Variants in MYO18B observed in about 807,000 individuals in gnomAD.
MYO18B encodes unconventional myosin-XVIIIb.
MYO18B carries 204 observed loss-of-function variants against 273.0 expected under a neutral mutation model. That is an observed-to-expected ratio of 0.75 (90% CI 0.67 to 0.84). The LOEUF (loss-of-function observed/expected upper bound fraction) is 0.84, where lower values mean the gene tolerates loss of function less well. Ranked by LOEUF, MYO18B falls within the 40% of genes least tolerant of loss-of-function variation. MYO18B has a pLI of 0.00. For missense variants in MYO18B, 3,212 were observed against 3,287.6 expected (o/e 0.98, Z 0.56); for synonymous variants, 1,330 against 1,305.7 (o/e 1.02, Z -0.40).
At position 25,944,233 on chromosome 22, in the gene MYO18B, A is replaced by G. The variant is rs1242000526; in HGVS notation, c.5518-1904A>G. ...CTGTCCATTATGCTCTAACAAGGCC[A>G]ATTACCTTCCTTTGCTCTACATCAA... On this transcript the variant is annotated intron_variant, in intron 34 of 43. Coordinates refer to ENST00000335473, the MANE Select transcript of MYO18B (RefSeq NM_032608.7). 5.9e-5 allele frequency among the ~76,000 whole-genome samples: 9 copies of G among 152,144 alleles called. No homozygotes were observed. In the East Asian group the frequency reaches 1.7e-3, roughly 29 times the overall value.
At chr22:25,963,178 T>TCACA (rs1555968886) in intron 39 of MYO18B, among the ~76,000 whole-genome samples, 42 of 144,178 alleles carry the variant, frequency 2.9e-4, no homozygotes, top group South Asian at 6.9e-4. Context: ...TCTCTCTCTC[T>TCACA]CACACACACA....
At chr22:25,793,379 G>C (rs738638) in intron 11 of MYO18B, among the ~76,000 whole-genome samples, 112,482 of 152,090 alleles carry the variant, frequency 0.74, 41,711 homozygotes, top group East Asian at 0.86. Context: ...GGGCTACAAG[G>C]ACATATCACC....
At chr22:25,792,887 T>G (rs1181779607) in intron 11 of MYO18B, among the ~76,000 whole-genome samples, 2 of 152,190 alleles carry the variant, frequency 1.3e-5, no homozygotes, top group Non-Finnish European at 2.9e-5. Flanking sequence ...TTCCATTCAG[T>G]TCCTTTACCC....
At chr22:25,854,442 A>G (rs2090510913) in intron 21 of MYO18B, among the ~76,000 whole-genome samples, 2 of 152,202 alleles carry the variant, frequency 1.3e-5, no homozygotes. Context: ...AGGTAGTAGT[A>G]GAGCTGGGAT....
At chr22:26,060,047 T>TGG in the MYO18B span, among the ~76,000 whole-genome samples, 1 of 152,236 alleles carries the variant, frequency 6.6e-6, no homozygotes, top group African/African-American at 2.4e-5. Context: ...AGCCTTGTGA[T>TGG]CAGTGCAGTA....
At chr22:25,824,551 G>C (rs971539339) in intron 13 of MYO18B, among the ~76,000 whole-genome samples, 7 of 152,160 alleles carry the variant, frequency 4.6e-5, no homozygotes, top group Non-Finnish European at 1.0e-4. Flanking sequence ...AAGAGCAGCT[G>C]TCCTTGAGAC....
intron 5 of MYO18B, 64 bp downstream of exon 5, chr22:25,770,240 A>G: frequency 6.6e-7 from 1 of 1,515,198 alleles, no homozygotes; most frequent in Non-Finnish European, 9.2e-7. Context: ...TACTGCTGCC[A>G]GCCATATGTT....
intron 39 of MYO18B, among the ~76,000 whole-genome samples, chr22:25,975,823 C>A (rs1007224678): frequency 5.1e-4 from 78 of 152,140 alleles, no homozygotes; most frequent in African/African-American, 1.8e-3. Flanking sequence ...GGCCCAGAGA[C>A]CCCACTTGGA....
At chr22:25,751,605 C>T (rs1220856567) in intron 1 of MYO18B, among the ~76,000 whole-genome samples, 1 of 152,200 alleles carries the variant, frequency 6.6e-6, no homozygotes, top group African/African-American at 2.4e-5. Flanking sequence ...GGCTTTCTTG[C>T]TGGGGGACCT....
chr22:25,959,959 G>A (rs139112661), intron 39 of MYO18B, among the ~76,000 whole-genome samples: 412 of 152,310 alleles, frequency 2.7e-3, no homozygotes, highest in Middle Eastern at 0.014. Context: ...TGGGAAGGAT[G>A]TTGATGGATC....
At chr22:25,822,650 C>T (rs1798276842) in intron 12 of MYO18B, among the ~76,000 whole-genome samples, 1 of 152,200 alleles carries the variant, frequency 6.6e-6, no homozygotes, top group Non-Finnish European at 1.5e-5. Flanking sequence ...AGACAAAACT[C>T]CTCAGACACC....
intron 12 of MYO18B, among the ~76,000 whole-genome samples, chr22:25,805,246 C>T (rs1168890162): frequency 2.0e-5 from 3 of 152,308 alleles, no homozygotes. Flanking sequence ...GAAACTGAAG[C>T]TCCTCCAGGA....
intron 40 of MYO18B, among the ~76,000 whole-genome samples, chr22:25,996,263 G>A (rs879585649): frequency 2.0e-5 from 3 of 149,186 alleles, no homozygotes; most frequent in Non-Finnish European, 4.4e-5. Flanking sequence ...CATAGTAGGG[G>A]CTCAACGAGA....
At chr22:25,789,080 TTCTTCCTCCTCCTTCTTCTTCC>T (rs780450061) in intron 11 of MYO18B, among the ~76,000 whole-genome samples, 2 of 11,536 alleles carry the variant, frequency 1.7e-4, no homozygotes, top group Non-Finnish European at 2.0e-3. Context: ...CTCCTCCTTC[TTCTTCCTCCTCCTTCTTCTTCC>T]TCCTCCTCCT....
At chr22:25,984,050 C>T (rs2093175782) in intron 39 of MYO18B, among the ~76,000 whole-genome samples, 1 of 152,220 alleles carries the variant, frequency 6.6e-6, no homozygotes, top group African/African-American at 2.4e-5. Flanking sequence ...TTTCCCGTGT[C>T]TTTACTTAGA....
chr22:25,991,976 G>T (rs565901870), intron 39 of MYO18B, among the ~76,000 whole-genome samples: 7 of 152,290 alleles, frequency 4.6e-5, no homozygotes, highest in Non-Finnish European at 8.8e-5. Context: ...TTGAGGCTCA[G>T]CTTCCTAAAC....
At chr22:25,814,999 C>T (rs1048881451) in intron 12 of MYO18B, among the ~76,000 whole-genome samples, 48 of 152,226 alleles carry the variant, frequency 3.2e-4, no homozygotes, top group Non-Finnish European at 6.6e-4. Flanking sequence ...TTCTTTACAT[C>T]ACTGAATTGC....
chr22:25,816,299 A>G (rs2089001181), intron 12 of MYO18B, among the ~76,000 whole-genome samples: 1 of 152,140 alleles, frequency 6.6e-6, no homozygotes, highest in Non-Finnish European at 1.5e-5. Flanking sequence ...ACATTTACTG[A>G]GCAGGTTGCC....
chr22:25,851,209 G>A (rs1342922400), intron 20 of MYO18B, among the ~76,000 whole-genome samples: 1 of 152,208 alleles, frequency 6.6e-6, no homozygotes, highest in Non-Finnish European at 1.5e-5. Flanking sequence ...AGGCGGATGA[G>A]TGTGCAGCTT....
Sources: allele counts gnomAD v4.1 joint callset (sites outside exome capture counted in the v4.1 genomes callset), GRCh38; gene constraint gnomAD v4.1.1; transcripts MANE v1.5; gene names NCBI Gene and HGNC (gene_info 2026-07-23, HGNC 2026-07-21).